The following KAZN variants were observed in gnomAD, a reference collection of about 807,000 sequenced individuals.
KAZN encodes kazrin.
In KAZN, 40 loss-of-function variants were observed where a neutral mutation model predicts 87.4. The observed-to-expected ratio is 0.46, with a 90% CI of 0.36 to 0.60. The LOEUF (loss-of-function observed/expected upper bound fraction) is 0.60. Among genes scored for constraint, KAZN ranks in the 20% least tolerant of loss-of-function variants. KAZN has a pLI of 0.00. For synonymous variants in KAZN, 466 were observed against 458.3 expected (o/e 1.02, Z -0.22); for missense variants, 898 against 1,073.9 (o/e 0.84, Z 2.29).
At chr1:15,111,389 A>G (rs535020890) in intron 13 of KAZN, among the ~76,000 whole-genome samples, 32 of 152,144 alleles carry the variant, frequency 2.1e-4, no homozygotes, top group Admixed American at 1.6e-3. Flanking sequence ...CTGAGGTTCA[A>G]TCTTAGCCTC....
chr1:14,337,847 T>C (rs975115939), intron 2 of KAZN, among the ~76,000 whole-genome samples: 4 of 149,770 alleles, frequency 2.7e-5, no homozygotes, highest in East Asian at 4.0e-4. Flanking sequence ...TGAGCCAAGA[T>C]TGAATCACTG....
intron 1 of KAZN, among the ~76,000 whole-genome samples, chr1:14,023,714 A>G (rs1640947074): frequency 6.6e-6 from 1 of 152,210 alleles, no homozygotes. Context: ...CTTAATAAGC[A>G]GTAGGAGGTA....
chr1:14,534,778 G>C (rs970327476), intron 2 of KAZN, among the ~76,000 whole-genome samples: 1 of 152,072 alleles, frequency 6.6e-6, no homozygotes, highest in African/African-American at 2.4e-5. Context: ...AGGGTTTTAG[G>C]CCACGGAATC....
intron 2 of KAZN, among the ~76,000 whole-genome samples, chr1:14,355,956 T>C (rs1216903418): frequency 6.6e-6 from 1 of 152,176 alleles, no homozygotes; most frequent in Non-Finnish European, 1.5e-5. Context: ...AGTAATGGGA[T>C]TGCTGGGTCA....
intron 2 of KAZN, among the ~76,000 whole-genome samples, chr1:14,421,912 G>A (rs1665454588): frequency 6.6e-6 from 1 of 152,120 alleles, no homozygotes; most frequent in Non-Finnish European, 1.5e-5. Context: ...TACACTGACT[G>A]CCCAATGAGC....
chr1:14,632,541 G>A lies in KAZN; in HGVS notation c.226+33318G>A, dbSNP rs192330743. ...ACTTTTCTGAGAACATTAAACAAGT[G>A]CCCAGCAGGAGAATCCTTTCTTTTG... On this transcript the variant is annotated intron_variant, in intron 1 of 14. Transcript: ENST00000376030. Among the ~76,000 whole-genome samples the A allele has an allele frequency of 2.0e-5, 3 of 149,998 alleles. No homozygotes were observed. The East Asian group carries it at 5.9e-4, about 29-fold the overall frequency.
Position 14,152,783 on chromosome 1 carries a change from T to C in KAZN, c.92-27652T>C, listed in dbSNP as rs1645504481. Among the ~76,000 whole-genome samples, 3 of 152,232 alleles carry C rather than the reference T, an allele frequency of 2.0e-5. No homozygotes were observed. The South Asian group carries it at 6.2e-4, about 31-fold the overall frequency. On this transcript the variant is annotated intron_variant, in intron 1 of 16. Coordinates refer to the KAZN transcript ENST00000636203. The stretch of plus-strand genomic sequence containing the variant: ...AACTCCAAACTATTCCCCATAGTGG[T>C]TGTACTAATTTATATTCCCATCAAT...
At chr1:14,843,706 C>T (rs1022502446) in intron 1 of KAZN, among the ~76,000 whole-genome samples, 6 of 152,088 alleles carry the variant, frequency 3.9e-5, no homozygotes, top group African/African-American at 9.7e-5. Flanking sequence ...GAATATTCGC[C>T]CCACCCTCAT....
intron 1 of KAZN, among the ~76,000 whole-genome samples, chr1:14,815,533 G>T (rs1160104583): frequency 1.3e-5 from 2 of 152,220 alleles, no homozygotes; most frequent in African/African-American, 4.8e-5. Flanking sequence ...GTTCAGTGTT[G>T]ATTATGACAG....
At chr1:14,160,306 A>G (rs137950838) in intron 1 of KAZN, among the ~76,000 whole-genome samples, 230 of 152,284 alleles carry the variant, frequency 1.5e-3, no homozygotes, top group African/African-American at 5.4e-3. Context: ...GTGGGCAGGC[A>G]TCAGCTGAGC....
intron 2 of KAZN, among the ~76,000 whole-genome samples, chr1:14,588,651 G>A (rs4661292): frequency 0.7 from 107,063 of 152,066 alleles, 38,858 homozygotes; most frequent in Non-Finnish European, 0.8. Flanking sequence ...TAGCCAGTCC[G>A]TCTTTTGAGA....
rs981080191 is a variant in KAZN, at chr1:15,099,703, A to G, written c.1548-1840A>G. On this transcript the variant is annotated intron_variant, in intron 10 of 14. Transcript: ENST00000376030. The surrounding 1 kb of genome is among the most constrained non-coding windows in gnomAD (Gnocchi z 5.4). ...TTACTCCTGCAAAGAGAAGCCACAG[A>G]GTGTTGAGCAGGGGAGTGCACGGTC... Among the ~76,000 whole-genome samples, 3 of 152,294 alleles carry G rather than the reference A, an allele frequency of 2.0e-5. No homozygotes were observed. Among genetic ancestry groups the G allele is most frequent in the African/African-American group, 7.2e-5 (3 of 41,558 alleles).
intron 1 of KAZN, among the ~76,000 whole-genome samples, chr1:14,922,860 G>A (rs1443566822): frequency 1.3e-5 from 2 of 151,992 alleles, no homozygotes; most frequent in Non-Finnish European, 2.9e-5. Context: ...TCCGCAGCTG[G>A]GCCAGTTTCC....
At chr1:14,187,659 G>A (rs1415075391) in intron 2 of KAZN, among the ~76,000 whole-genome samples, 1 of 152,174 alleles carries the variant, frequency 6.6e-6, no homozygotes, top group Non-Finnish European at 1.5e-5. Flanking sequence ...GGGTGAGTGT[G>A]CTGCTAGCAT....
At chr1:14,842,579 A>T (rs185216366) in intron 1 of KAZN, among the ~76,000 whole-genome samples, 22 of 152,334 alleles carry the variant, frequency 1.4e-4, no homozygotes, top group Non-Finnish European at 2.8e-4. Context: ...TTTAAAAGTC[A>T]TTGCACTGAA....
chr1:14,351,658 C>T (rs575328178), intron 2 of KAZN, among the ~76,000 whole-genome samples: 15 of 152,292 alleles, frequency 9.8e-5, no homozygotes, highest in African/African-American at 2.2e-4. Flanking sequence ...AGCTGAGGGA[C>T]GCTGCAGGCT....
intron 1 of KAZN, among the ~76,000 whole-genome samples, chr1:14,845,125 G>A (rs1002942814): frequency 4.7e-4 from 71 of 151,932 alleles, no homozygotes; most frequent in Admixed American, 3.9e-3. Flanking sequence ...GGGTGAGTGG[G>A]TGGATGAGTG....
intron 1 of KAZN, among the ~76,000 whole-genome samples, chr1:14,719,085 C>T (rs1478924082): frequency 2.0e-5 from 3 of 152,146 alleles, no homozygotes; most frequent in Non-Finnish European, 4.4e-5. Flanking sequence ...GCCATAGGAC[C>T]AACCCACACT....
At chr1:14,979,971 C>G (rs1666067451) in intron 2 of KAZN, among the ~76,000 whole-genome samples, 1 of 152,200 alleles carries the variant, frequency 6.6e-6, no homozygotes, top group Non-Finnish European at 1.5e-5. Flanking sequence ...GCACTGCAAC[C>G]TCCACCTCCT....
Sources: gnomAD v4.1 joint callset for allele counts (sites outside exome capture counted in the v4.1 genomes callset) on GRCh38, gnomAD v4.1.1 for gene constraint, Gnocchi (gnomAD v3.1) non-coding constraint, MANE v1.5 for transcripts, NCBI Gene and HGNC (gene_info 2026-07-23, HGNC 2026-07-21) for gene names.